The following PPP2R2D variants were observed in gnomAD, a reference collection of about 807,000 sequenced individuals.
PPP2R2D encodes the protein serine/threonine-protein phosphatase 2A 55 kDa regulatory subunit B delta isoform.
PPP2R2D carries 9 observed loss-of-function variants against 31.1 expected under a neutral mutation model. The observed-to-expected ratio is 0.29, with a 90% CI of 0.17 to 0.51. The LOEUF is 0.51. Among genes scored for constraint, PPP2R2D ranks in the 20% least tolerant of loss-of-function variants. PPP2R2D has a pLI of 0.98. For synonymous variants in PPP2R2D, 179 were observed against 172.6 expected, an observed-to-expected ratio of 1.04 and a Z score of -0.29; for missense variants, 391 against 465.6, an observed-to-expected ratio of 0.84 and a Z score of 1.48.
At chr10:131,943,222 C>T (rs576583742) in intron 5 of PPP2R2D, among the ~76,000 whole-genome samples, 4 of 152,222 alleles carry the variant, frequency 2.6e-5, no homozygotes, top group Non-Finnish European at 5.9e-5. Context: ...CCACTCCTCT[C>T]TGTCCTTTCT....
downstream of PPP2R2D, among the ~76,000 whole-genome samples, chr10:131,962,639 C>T (rs1350969306): frequency 6.6e-6 from 1 of 152,284 alleles, no homozygotes; most frequent in East Asian, 1.9e-4. Context: ...TTGCAGGGAC[C>T]GTCCATCGCT....
chr10:131,964,333 T>C (rs1424924678), downstream of PPP2R2D, among the ~76,000 whole-genome samples: 2 of 152,180 alleles, frequency 1.3e-5, no homozygotes, highest in Non-Finnish European at 2.9e-5. Context: ...TTTGTGTTTT[T>C]TTTTTGTTTT....
intron 2 of PPP2R2D, among the ~76,000 whole-genome samples, chr10:131,906,983 A>G (rs2035599228): frequency 6.6e-6 from 1 of 151,762 alleles, no homozygotes; most frequent in Non-Finnish European, 1.5e-5. Context: ...GTATATATAT[A>G]ATCTTTGAAA....
Position 131,930,744 on chromosome 10 carries a change from C to G in PPP2R2D, c.101-3714C>G, listed in dbSNP as rs550134937. 2.6e-5 allele frequency among the ~76,000 whole-genome samples: 4 copies of G among 152,322 alleles called. No individual in the cohort carries two copies. The South Asian group carries it at 6.2e-4, about 24-fold the overall frequency. On this transcript the variant is annotated intron_variant, in intron 2 of 8. Transcript: ENST00000455566. ...TGAGATGTGCGCGGCCTGGGTCTGCCATCAGCCATGCGGGGCCTCTGAGCC... is the reference window on the plus strand; with the variant it reads ...TGAGATGTGCGCGGCCTGGGTCTGCGATCAGCCATGCGGGGCCTCTGAGCC...
intron 2 of PPP2R2D, chr10:131,912,514 T>C (rs1334441098): frequency 2.0e-5 from 3 of 152,236 alleles, no homozygotes; most frequent in African/African-American, 7.2e-5. Flanking sequence ...ATTAAGAGTC[T>C]ATAATTGGAG....
chr10:131,957,054 A>G lies in PPP2R2D; in HGVS notation c.*1091A>G, dbSNP rs1432385859. On this transcript the variant is annotated 3_prime_UTR_variant, in exon 9 of 9. Coordinates refer to ENST00000455566, the MANE Select transcript of PPP2R2D (RefSeq NM_018461.5). Reference sequence around the variant, plus strand: ...AGGATCTTTGATACCAGAAATCAAGATTTTCCAAGACAAATAATACAGAGC... The same window carrying G: ...AGGATCTTTGATACCAGAAATCAAGGTTTTCCAAGACAAATAATACAGAGC... 3 of 152,286 alleles carry G rather than the reference A, an allele frequency of 2.0e-5. No homozygotes were observed. The highest frequency in any genetic ancestry group is 7.2e-5 in the African/African-American group (3 of 41,452). The allele number at this position is 152,286 out of a possible 1,614,324, so 9.4% of individuals were successfully genotyped here.
chr10:131,925,560 T>C (rs2119817976), intron 2 of PPP2R2D, among the ~76,000 whole-genome samples: 1 of 152,372 alleles, frequency 6.6e-6, no homozygotes, highest in East Asian at 1.9e-4. Context: ...TCTTTCTGAC[T>C]TCTGTATTTT....
At chr10:131,912,448 A>C (rs915406918) in intron 2 of PPP2R2D, 1 of 152,262 alleles carries the variant, frequency 6.6e-6, no homozygotes, top group East Asian at 1.9e-4. Context: ...CGGCCTCCCA[A>C]AATGCTGGGA....
chr10:131,905,102 T>G (rs1457563873), intron 2 of PPP2R2D, among the ~76,000 whole-genome samples: 1 of 151,944 alleles, frequency 6.6e-6, no homozygotes. Flanking sequence ...AGAGCTGAGC[T>G]CACAAGGAAG....
chr10:131,967,844 C>A, the PPP2R2D span: 6 of 152,352 alleles, frequency 3.9e-5, no homozygotes, highest in African/African-American at 1.4e-4. Flanking sequence ...GGAAAAGATA[C>A]TGAGTAGGTG....
In PPP2R2D at chr10:131,956,235, T is replaced by G. The variant is rs1321636277; in HGVS notation, c.*272T>G. The G allele has an allele frequency of 7.0e-6, 8 of 1,150,168 alleles. No homozygotes were observed. Among genetic ancestry groups the G allele is most frequent in the Non-Finnish European group, 8.5e-6 (8 of 936,624 alleles). 71.2% of individuals were successfully genotyped at this position (1,150,168 alleles called of 1,614,324 possible). On this transcript the variant is annotated 3_prime_UTR_variant, in exon 9 of 9. Coordinates refer to ENST00000455566, the MANE Select transcript of PPP2R2D (RefSeq NM_018461.5). Reference sequence around the variant, plus strand: ...AGGTCATTACTCAGAATAAATGTATTTATTTCAGTCCGAGCCTTCCTTTCC... The same window carrying G: ...AGGTCATTACTCAGAATAAATGTATGTATTTCAGTCCGAGCCTTCCTTTCC...
In PPP2R2D at chr10:131,938,634, T is replaced by TC. The variant is rs565535146; in HGVS notation, c.199-1396dup. Among the ~76,000 whole-genome samples, 32 of 152,320 alleles carry TC rather than the reference T, an allele frequency of 2.1e-4. No individual in the cohort carries two copies. In the East Asian group the frequency reaches 6.0e-3, roughly 28 times the overall value. On this transcript the variant is annotated intron_variant, in intron 3 of 8. Transcript: ENST00000455566. ...GTCTTCCCAAGCATGTTTCTCCACT[T>TC]CTGTAACAGACTTGTTCTGTACGTA...
At chr10:131,917,226 C>T (rs2035819484) in intron 2 of PPP2R2D, among the ~76,000 whole-genome samples, 1 of 140,932 alleles carries the variant, frequency 7.1e-6, no homozygotes, top group Middle Eastern at 4.2e-3. Flanking sequence ...GTAGGGACCT[C>T]AGGCGGGTGG....
chr10:131,923,783 G>T (rs1589937218), intron 2 of PPP2R2D, among the ~76,000 whole-genome samples: 2 of 151,946 alleles, frequency 1.3e-5, no homozygotes, highest in African/African-American at 4.8e-5. Context: ...TTATTTTAGA[G>T]ACAGGGTCTT....
downstream of PPP2R2D, among the ~76,000 whole-genome samples, chr10:131,964,665 T>TG (rs2036957647): frequency 2.9e-5 from 2 of 69,786 alleles, no homozygotes; most frequent in Non-Finnish European, 6.0e-5. Context: ...GAGTTTACTA[T>TG]GTTTTTTTTT....
chr10:131,965,084 A>G, the PPP2R2D span, among the ~76,000 whole-genome samples: 1 of 152,032 alleles, frequency 6.6e-6, no homozygotes, highest in South Asian at 2.1e-4. Context: ...TTGTCCTCCC[A>G]TTTGCAGTTT....
intron 2 of PPP2R2D, among the ~76,000 whole-genome samples, chr10:131,921,375 C>T (rs906575904): frequency 2.0e-5 from 3 of 152,114 alleles, no homozygotes; most frequent in African/African-American, 7.2e-5. Flanking sequence ...CCTAAGGCTT[C>T]GGCAGTTAAG....
chr10:131,916,874 T>C (rs1487822173), intron 2 of PPP2R2D, among the ~76,000 whole-genome samples: 11 of 104,258 alleles, frequency 1.1e-4, no homozygotes, highest in Admixed American at 8.3e-4. Flanking sequence ...ATGACAGTGT[T>C]TGTAGGGACC....
At chr10:131,932,646 CAAAAAAAAA>C (rs368610703) in intron 2 of PPP2R2D, among the ~76,000 whole-genome samples, 6 of 57,860 alleles carry the variant, frequency 1.0e-4, no homozygotes, top group East Asian at 1.1e-3. Context: ...CAGCCTGTCT[CAAAAAAAAA>C]AAAAAAAAAA....
Sources: allele counts gnomAD v4.1 joint callset (sites outside exome capture counted in the v4.1 genomes callset), GRCh38; gene constraint gnomAD v4.1.1; transcripts MANE v1.5; gene names NCBI Gene and HGNC (gene_info 2026-07-23, HGNC 2026-07-21).